The following HERC1 variants were observed in gnomAD, a reference collection of about 807,000 sequenced individuals.
HERC1 encodes HECT and RLD domain containing E3 ubiquitin protein ligase family member 1.
Under a neutral mutation model 554.3 loss-of-function variants are expected in HERC1, and 160 were observed. The ratio of observed to expected loss-of-function variants is 0.29; its 90% confidence interval spans 0.25 to 0.33. HERC1 has a LOEUF of 0.33. HERC1 is among the 10% of genes least tolerant of loss of function. HERC1 has a pLI of 1.00. For synonymous variants in HERC1, 2,175 were observed against 2,131.7 expected (o/e 1.02, Z -0.56); for missense variants, 4,919 against 5,918.5 (o/e 0.83, Z 5.54).
chr15:63,670,286 G>T (rs1231430779), intron 39 of HERC1, among the ~76,000 whole-genome samples: 1 of 152,202 alleles, frequency 6.6e-6, no homozygotes, highest in Non-Finnish European at 1.5e-5. Context: ...TGAGAATGTG[G>T]AGCATGGTCA....
At chr15:63,693,277 T>A (rs1441262925) in intron 30 of HERC1, among the ~76,000 whole-genome samples, 1 of 149,406 alleles carries the variant, frequency 6.7e-6, no homozygotes, top group Non-Finnish European at 1.5e-5. Flanking sequence ...AGGCTCTCGC[T>A]CTGTCATCCA....
At chr15:63,755,464 G>A in intron 5 of HERC1, 139 bp from the exon 6 acceptor site, 2 of 694,324 alleles carry the variant, frequency 2.9e-6, no homozygotes, top group Admixed American at 2.2e-5. Flanking sequence ...TGTGGAGGCT[G>A]TGTTCAGGCC....
chr15:63,709,471 G>A (rs2073183335), intron 24 of HERC1, among the ~76,000 whole-genome samples: 1 of 152,012 alleles, frequency 6.6e-6, no homozygotes, highest in Admixed American at 6.6e-5. Flanking sequence ...ATTTTAAATT[G>A]TATTACCAAA....
At chr15:63,708,249 C>A (rs1018372568) in intron 24 of HERC1, among the ~76,000 whole-genome samples, 35 of 152,070 alleles carry the variant, frequency 2.3e-4, no homozygotes, top group African/African-American at 8.2e-4. Flanking sequence ...GGCCTCAGAA[C>A]CAGAAAAATC....
intron 57 of HERC1, among the ~76,000 whole-genome samples, chr15:63,644,495 C>G (rs897585847): frequency 2.6e-5 from 4 of 151,328 alleles, no homozygotes; most frequent in African/African-American, 9.8e-5. Flanking sequence ...ATGTAAGCTT[C>G]TTTGTTTTTT....
At chr15:63,773,691 G>C (rs1037379220) in intron 2 of HERC1, among the ~76,000 whole-genome samples, 10 of 151,276 alleles carry the variant, frequency 6.6e-5, no homozygotes, top group African/African-American at 1.9e-4. Context: ...TTACAGGTGC[G>C]CACCACCACA....
chr15:63,743,610 G>A (rs1241977109), intron 12 of HERC1, among the ~76,000 whole-genome samples: 1 of 152,056 alleles, frequency 6.6e-6, no homozygotes, highest in Non-Finnish European at 1.5e-5. Flanking sequence ...AGGATTCTGA[G>A]GCATTCTTCA....
At chr15:63,627,213 A>T (rs574472396) in intron 70 of HERC1, among the ~76,000 whole-genome samples, 1 of 152,316 alleles carries the variant, frequency 6.6e-6, no homozygotes, top group African/African-American at 2.4e-5. Flanking sequence ...TCTCTCTTAG[A>T]TATCTAAGAA....
At chr15:63,712,418 C>T (rs2073345375) in intron 24 of HERC1, among the ~76,000 whole-genome samples, 1 of 152,136 alleles carries the variant, frequency 6.6e-6, no homozygotes, top group Admixed American at 6.5e-5. Flanking sequence ...AAGTTTCTTG[C>T]TTGGATAGTT....
At chr15:63,623,959 T>G in intron 72 of HERC1, 69 bp from the exon 73 acceptor site, 2 of 1,505,214 alleles carry the variant, frequency 1.3e-6, no homozygotes, top group Non-Finnish European at 1.8e-6. Context: ...CATGATATCT[T>G]CCCATCAGTG....
In HERC1 at chr15:63,623,714, C is replaced by A. The variant is rs2068184830; in HGVS notation, c.13611+11G>T. ...CTAGATAACTCAGCAGGGGACACTGCAGGAATATACCTGGCACATCTCTGT... is the reference window on the plus strand; with the variant it reads ...CTAGATAACTCAGCAGGGGACACTGAAGGAATATACCTGGCACATCTCTGT... On this transcript the variant is annotated intron_variant, in intron 73 of 77. Transcript: ENST00000443617. 4 of 1,613,218 alleles carry A rather than the reference C, an allele frequency of 2.5e-6. No homozygotes were observed. The highest frequency in any genetic ancestry group is 1.3e-5 in the African/African-American group (1 of 74,870).
At chr15:63,738,511 T>C (rs2074644815) in intron 12 of HERC1, among the ~76,000 whole-genome samples, 1 of 152,168 alleles carries the variant, frequency 6.6e-6, no homozygotes, top group South Asian at 2.1e-4. Flanking sequence ...ATGAAAACTA[T>C]TATTTATGCA....
At chr15:63,660,882 C>T in intron 46 of HERC1, 91 bp downstream of exon 46, 2 of 807,974 alleles carry the variant, frequency 2.5e-6, no homozygotes, top group Non-Finnish European at 4.3e-6. Context: ...CAAACACACA[C>T]ACACACGAAG....
Position 63,662,007 on chromosome 15 carries a change from A to G in HERC1, c.8916T>C (p.Ser2972=). Residue 2972 remains serine (S), a synonymous_variant, in exon 45 of 78, where the codon TCT becomes TCC. Coordinates refer to ENST00000443617, the MANE Select transcript of HERC1 (RefSeq NM_003922.4). The stretch of plus-strand genomic sequence containing the variant: ...ACACCACCACTTCTTCCCTGTCTTC[A>G]GACTCACAAACATGCTGCACAAAAG... The part of the protein sequence containing the change: ...LDWPTWHVCE[S]EDREEVVVCE... 1 of 1,612,524 alleles carries G rather than the reference A, an allele frequency of 6.2e-7. No homozygotes were observed. Among genetic ancestry groups the G allele is most frequent in the Non-Finnish European group, 8.5e-7 (1 of 1,178,576 alleles).
intron 22 of HERC1, 112 bp downstream of exon 22, chr15:63,716,190 A>G: frequency 1.1e-6 from 1 of 935,660 alleles, no homozygotes; most frequent in Non-Finnish European, 1.6e-6. Context: ...AGCAGAATAT[A>G]AAGTCCTTTT....
intron 68 of HERC1, among the ~76,000 whole-genome samples, chr15:63,631,384 G>A (rs1475236841): frequency 1.3e-5 from 2 of 152,154 alleles, no homozygotes; most frequent in Non-Finnish European, 2.9e-5. Flanking sequence ...GCCTACTGCA[G>A]TGGCTTCTTT....
intron 31 of HERC1, among the ~76,000 whole-genome samples, chr15:63,691,252 G>A (rs529251015): frequency 1.4e-4 from 21 of 152,148 alleles, no homozygotes; most frequent in African/African-American, 5.1e-4. Flanking sequence ...GATCACTTAA[G>A]GCCAGGAGTT....
chr15:63,671,525 T>C (rs1172294636), intron 39 of HERC1, among the ~76,000 whole-genome samples: 1 of 152,132 alleles, frequency 6.6e-6, no homozygotes, highest in Admixed American at 6.5e-5. Flanking sequence ...GTACTAGGAT[T>C]GTACTCCTGC....
At chr15:63,631,569 C>T (rs970037310) in intron 68 of HERC1, among the ~76,000 whole-genome samples, 1 of 152,018 alleles carries the variant, frequency 6.6e-6, no homozygotes, top group African/African-American at 2.4e-5. Flanking sequence ...GATGAAGTTT[C>T]GCTCTTGTCG....
Sources: gnomAD v4.1 joint callset for allele counts (sites outside exome capture counted in the v4.1 genomes callset) on GRCh38, gnomAD v4.1.1 for gene constraint, MANE v1.5 for transcripts, NCBI Gene and HGNC (gene_info 2026-07-23, HGNC 2026-07-21) for gene names.